CACNA1A: variants seen among roughly 807,000 people sequenced by gnomAD.
CACNA1A encodes the protein voltage-dependent P/Q-type calcium channel subunit alpha-1A.
A neutral mutation model predicts 262.4 loss-of-function variants in CACNA1A; 57 were observed. The observed-to-expected ratio is 0.22, with a 90% CI of 0.18 to 0.27. CACNA1A has a LOEUF of 0.27. CACNA1A is among the 10% of genes least tolerant of loss of function. The pLI is 1.00. For missense variants in CACNA1A, 2,526 were observed against 3,562.8 expected (o/e 0.71, Z 7.41); for synonymous variants, 1,431 against 1,419.3 (o/e 1.01, Z -0.18).
chr19:13,255,807 TTCC>T (rs940318539), intron 28 of CACNA1A, among the ~76,000 whole-genome samples: 3 of 127,908 alleles, frequency 2.3e-5, no homozygotes, highest in Non-Finnish European at 4.9e-5. Context: ...CTCCTTCACT[TTCC>T]TTTTTCCTTC....
chr19:13,399,069 G>A (rs761587639), intron 3 of CACNA1A, among the ~76,000 whole-genome samples: 6 of 152,082 alleles, frequency 3.9e-5, no homozygotes, highest in Non-Finnish European at 8.8e-5. Context: ...AATGCTGCTC[G>A]GGGCTTGGAC....
At chr19:13,487,479 C>T (rs1338121947) in intron 1 of CACNA1A, among the ~76,000 whole-genome samples, 9 of 152,002 alleles carry the variant, frequency 5.9e-5, no homozygotes, top group Non-Finnish European at 2.9e-5. Context: ...TAGTAGTTGC[C>T]AGGGGCTGGG....
intron 11 of CACNA1A, among the ~76,000 whole-genome samples, chr19:13,313,234 G>C (rs1476456659): frequency 6.6e-6 from 1 of 152,058 alleles, no homozygotes; most frequent in East Asian, 1.9e-4. Flanking sequence ...GGGCATGGTG[G>C]CTCACGTCTG....
At chr19:13,276,697 CTTTTTT>C (rs33970596) in intron 23 of CACNA1A, among the ~76,000 whole-genome samples, 1 of 125,428 alleles carries the variant, frequency 8.0e-6, no homozygotes, top group Admixed American at 8.5e-5. Context: ...AATCCCAGCT[CTTTTTT>C]TTTTTTTTTT....
intron 6 of CACNA1A, among the ~76,000 whole-genome samples, chr19:13,338,247 T>C (rs757010114): frequency 1.3e-5 from 2 of 152,056 alleles, no homozygotes; most frequent in Non-Finnish European, 2.9e-5. Context: ...AGAAAAGCTA[T>C]AGTAAAAATA....
intron 11 of CACNA1A, among the ~76,000 whole-genome samples, chr19:13,315,083 C>A (rs1377691105): frequency 6.6e-6 from 1 of 152,096 alleles, no homozygotes; most frequent in African/African-American, 2.4e-5. Flanking sequence ...CCATCAAATC[C>A]GGTTTCTACC....
chr19:13,320,400 T>A (rs2058229790), intron 10 of CACNA1A, among the ~76,000 whole-genome samples: 2 of 152,158 alleles, frequency 1.3e-5, no homozygotes, highest in Admixed American at 1.3e-4. Context: ...ACAACCACAC[T>A]TCCTACCTCA....
chr19:13,255,721 TTCTC>T (rs1310969830), intron 28 of CACNA1A, among the ~76,000 whole-genome samples: 1 of 51,668 alleles, frequency 1.9e-5, no homozygotes, highest in African/African-American at 8.2e-5. Context: ...CCCTCCCTCC[TTCTC>T]TCCCTCCCTC....
intron 3 of CACNA1A, among the ~76,000 whole-genome samples, chr19:13,394,493 G>T (rs774893279): frequency 1.3e-5 from 2 of 152,188 alleles, no homozygotes; most frequent in African/African-American, 2.4e-5. Context: ...ATTTAATAAA[G>T]TGTTGATTAA....
intron 1 of CACNA1A, among the ~76,000 whole-genome samples, chr19:13,474,223 C>T (rs753521081): frequency 5.3e-5 from 8 of 152,138 alleles, no homozygotes; most frequent in Admixed American, 1.3e-4. Context: ...CTTCACTGAC[C>T]CCGACTGAAT....
chr19:13,298,346 G>C (rs1460274578), intron 19 of CACNA1A, among the ~76,000 whole-genome samples, 198 bp downstream of exon 19: 2 of 136,954 alleles, frequency 1.5e-5, no homozygotes, highest in Non-Finnish European at 3.1e-5. Flanking sequence ...GGCCAGGCTG[G>C]TCTTGAACTC....
intron 38 of CACNA1A, 122 bp downstream of exon 38, chr19:13,224,545 T>A: frequency 1.6e-6 from 1 of 627,680 alleles, no homozygotes; most frequent in Non-Finnish European, 2.8e-6. Flanking sequence ...GTGGAACGAA[T>A]GAATGGAAGA....
At chr19:13,360,698 G>A (rs62111179) in intron 5 of CACNA1A, among the ~76,000 whole-genome samples, 2 of 151,916 alleles carry the variant, frequency 1.3e-5, no homozygotes, top group Non-Finnish European at 2.9e-5. Context: ...GGCTGGTCTC[G>A]AACTCCTGAC....
chr19:13,490,300 C>T (rs1421721368), intron 1 of CACNA1A, among the ~76,000 whole-genome samples: 1 of 152,238 alleles, frequency 6.6e-6, no homozygotes, highest in Admixed American at 6.5e-5. Context: ...AAAAGCCACA[C>T]CACCGATAGA....
At chr19:13,481,279 T>C (rs1979274157) in intron 1 of CACNA1A, among the ~76,000 whole-genome samples, 2 of 152,112 alleles carry the variant, frequency 1.3e-5, no homozygotes, top group East Asian at 1.9e-4. Context: ...TGATAAAAAC[T>C]AGGAATCACG....
intron 32 of CACNA1A, 54 bp downstream of exon 32, chr19:13,235,560 A>G: frequency 8.1e-7 from 1 of 1,230,852 alleles, no homozygotes; most frequent in Non-Finnish European, 1.2e-6. Context: ...CAGCCAGAGC[A>G]TGAGGGTCAC....
At chr19:13,293,160 C>T (rs1257427067) in intron 19 of CACNA1A, among the ~76,000 whole-genome samples, 1 of 152,086 alleles carries the variant, frequency 6.6e-6, no homozygotes, top group Admixed American at 6.5e-5. Flanking sequence ...CTGACACTTC[C>T]TGAGTGCTTA....
chr19:13,503,349 T>C (rs6511873), intron 1 of CACNA1A, among the ~76,000 whole-genome samples: 7,836 of 152,174 alleles, frequency 0.051, 278 homozygotes, highest in Middle Eastern at 0.078. Context: ...GCTGGATACG[T>C]GGGTGTGTTC....
At chr19:13,487,717 T>C (rs1434206888) in intron 1 of CACNA1A, among the ~76,000 whole-genome samples, 1 of 151,866 alleles carries the variant, frequency 6.6e-6, no homozygotes, top group Non-Finnish European at 1.5e-5. Context: ...AACCATTAGC[T>C]CTAAGGCTGC....
Sources: allele counts gnomAD v4.1 joint callset (sites outside exome capture counted in the v4.1 genomes callset), GRCh38; gene constraint gnomAD v4.1.1; transcripts MANE v1.5; gene names NCBI Gene and HGNC (gene_info 2026-07-23, HGNC 2026-07-21).